The following ZNF385D variants were observed in gnomAD, a reference collection of about 807,000 sequenced individuals.
ZNF385D encodes the protein zinc finger protein 659.
In ZNF385D, 15 loss-of-function variants were observed where a neutral mutation model predicts 35.8. That is an observed-to-expected ratio of 0.42 (90% CI 0.28 to 0.64). ZNF385D has a LOEUF of 0.64. ZNF385D is among the 30% of genes least tolerant of loss of function. The probability of loss-of-function intolerance (pLI) is 0.23; values close to 1 mark genes in which losing one functional copy is unlikely to be tolerated. For synonymous variants in ZNF385D, 212 were observed against 186.8 expected (o/e 1.13, Z -1.10); for missense variants, 474 against 494.6 (o/e 0.96, Z 0.39).
chr3:22,248,717 A>AT (rs146082519), intron 2 of ZNF385D, among the ~76,000 whole-genome samples: 24 of 152,042 alleles, frequency 1.6e-4, no homozygotes, highest in Admixed American at 3.9e-4. Context: ...AGGGCTGCAA[A>AT]TTTTTTTACC....
chr3:21,535,196 A>G, intron 3 of ZNF385D, among the ~76,000 whole-genome samples: 1 of 152,150 alleles, frequency 6.6e-6, no homozygotes, highest in East Asian at 1.9e-4. Flanking sequence ...TCCTGCTTCT[A>G]AAGAATCATG....
At chr3:21,506,601 CATTA>C (rs1468095293) in intron 4 of ZNF385D, among the ~76,000 whole-genome samples, 5 of 152,044 alleles carry the variant, frequency 3.3e-5, no homozygotes, top group Non-Finnish European at 7.4e-5. Context: ...AAAATTTTGC[CATTA>C]ATTTTTCTAA....
rs549402153 is a variant in ZNF385D, at chr3:21,927,800, T to A, written c.325+241017A>T. Among the ~76,000 whole-genome samples, 5 of 152,266 alleles carry A rather than the reference T, an allele frequency of 3.3e-5. No homozygotes were observed. In the East Asian group the frequency reaches 9.7e-4, roughly 29 times the overall value. On this transcript the variant is annotated intron_variant, in intron 3 of 5. Coordinates refer to the ZNF385D transcript ENST00000494108. ...GAGCTACACATTTACAAACACATAT[T>A]CATCTAACAATAGAGCTCCAAAGAA...
intron 3 of ZNF385D, among the ~76,000 whole-genome samples, chr3:22,025,088 G>A (rs756469002): frequency 6.6e-5 from 10 of 152,138 alleles, no homozygotes; most frequent in Non-Finnish European, 1.5e-4. Flanking sequence ...GGACATGTGG[G>A]AGGACCCTGA....
intron 4 of ZNF385D, among the ~76,000 whole-genome samples, chr3:21,471,254 TTCTCTCTCTCTCTCTCTCTTTCTCTC>T (rs1196858207): frequency 9.5e-6 from 1 of 105,238 alleles, no homozygotes; most frequent in South Asian, 3.7e-4. Flanking sequence ...CTCCCTCCCT[TTCTCTCTCTCTCTCTCTCTTTCTCTC>T]TCTCTCTCTC....
At chr3:21,470,127 A>T (rs548743342) in intron 4 of ZNF385D, among the ~76,000 whole-genome samples, 2 of 152,350 alleles carry the variant, frequency 1.3e-5, no homozygotes, top group African/African-American at 4.8e-5. Flanking sequence ...TTGAATAATT[A>T]TGGTAAGAGA....
Position 21,458,197 on chromosome 3 carries a change from G to T in ZNF385D, c.440-20994C>A, listed in dbSNP as rs527478490. Among the ~76,000 whole-genome samples the T allele has an allele frequency of 4.1e-4, 63 of 152,056 alleles. 1 individual carries two copies. The South Asian group carries it at 0.013, about 31-fold the overall frequency. ...TAAGAAACAGATGAAGAGGGGCTGGGCTCGGTTGCTCATACCTGTAATCCT... is the reference window on the plus strand; with the variant it reads ...TAAGAAACAGATGAAGAGGGGCTGGTCTCGGTTGCTCATACCTGTAATCCT... On this transcript the variant is annotated intron_variant, in intron 4 of 7. Transcript: ENST00000281523.
At chr3:22,221,985 AT>A (rs569465454) in intron 2 of ZNF385D, among the ~76,000 whole-genome samples, 191 of 148,304 alleles carry the variant, frequency 1.3e-3, no homozygotes, top group Middle Eastern at 7.0e-3. Flanking sequence ...AACCATTCCG[AT>A]TTTTTTTTTT....
intron 1 of ZNF385D, 134 bp from the exon 2 acceptor site, chr3:21,665,162 A>G: frequency 8.4e-7 from 1 of 1,191,584 alleles, no homozygotes; most frequent in Non-Finnish European, 1.1e-6. Flanking sequence ...ATTGACCTCA[A>G]CTGGGAACCG....
intron 5 of ZNF385D, among the ~76,000 whole-genome samples, chr3:21,429,918 A>C (rs1480855358): frequency 6.6e-6 from 1 of 152,112 alleles, no homozygotes; most frequent in African/African-American, 2.4e-5. Context: ...AGCAAAATGC[A>C]AAGCTGTTTT....
intron 6 of ZNF385D, among the ~76,000 whole-genome samples, chr3:21,424,564 C>T (rs945811751): frequency 2.4e-4 from 36 of 151,036 alleles, no homozygotes; most frequent in African/African-American, 7.8e-4. Context: ...ACACCTGCCT[C>T]AGCCTCCCAA....
intron 5 of ZNF385D, 52 bp from the exon 6 acceptor site, chr3:21,425,722 G>C (rs1331133940): frequency 6.8e-7 from 1 of 1,469,170 alleles, no homozygotes; most frequent in Admixed American, 2.4e-5. Context: ...AAGAAGGGAG[G>C]GAGAGAAGGA....
In ZNF385D at chr3:21,862,084, T is replaced by C. The variant is rs577804013; in HGVS notation, c.326-197056A>G. On this transcript the variant is annotated intron_variant, in intron 3 of 5. Coordinates refer to the ZNF385D transcript ENST00000494108. ...TTTTAAAATTATGGAATATTTCAAA[T>C]GTACAAAAAAAGTAGAGTAGGTAGT... 2.0e-3 allele frequency among the ~76,000 whole-genome samples: 305 copies of C among 152,208 alleles called. 4 individuals are homozygous for C. The highest frequency in any genetic ancestry group is 7.1e-3 in the African/African-American group (293 of 41,558).
At chr3:21,501,085 A>G (rs905504422) in intron 4 of ZNF385D, among the ~76,000 whole-genome samples, 1 of 152,080 alleles carries the variant, frequency 6.6e-6, no homozygotes, top group Non-Finnish European at 1.5e-5. Context: ...CATGAATAAC[A>G]TGCCTGGTTA....
rs1277308795 is a variant in ZNF385D, at chr3:22,079,364, TACA to T, written c.325+89450_325+89452del. ...GAATCCAATAAATAAATTACATGAT[TACA>T]ACATTAATTATATAATTAATATAAA... is the stretch of plus-strand genomic sequence containing the variant. On this transcript the variant is annotated intron_variant, in intron 3 of 5. Transcript: ENST00000494108. 1.1e-4 allele frequency among the ~76,000 whole-genome samples: 17 copies of T among 152,106 alleles called. No individual in the cohort carries two copies. The South Asian group carries it at 2.5e-3, about 22-fold the overall frequency.
At chr3:21,605,350 G>A (rs1387570537) in intron 2 of ZNF385D, among the ~76,000 whole-genome samples, 1 of 152,162 alleles carries the variant, frequency 6.6e-6, no homozygotes, top group Admixed American at 6.5e-5. Flanking sequence ...GCAGCAGCTT[G>A]GGGACAGAGT....
intron 3 of ZNF385D, among the ~76,000 whole-genome samples, chr3:21,927,287 T>A (rs1700779299): frequency 6.6e-6 from 1 of 152,044 alleles, no homozygotes; most frequent in Non-Finnish European, 1.5e-5. Flanking sequence ...TTTTTTAATA[T>A]ATAAATTACC....
rs143805730 is a variant in ZNF385D, at chr3:22,243,577, G to T, written c.107-74542C>A. ...ATTTAGAAAACAGGGAGAGAAATTA[G>T]CCTGCTATTATGACAATGGAAATGC... On this transcript the variant is annotated intron_variant, in intron 2 of 5. Transcript: ENST00000494108. Among the ~76,000 whole-genome samples the T allele has an allele frequency of 4.2e-3, 634 of 151,118 alleles. 39 individuals are homozygous for T. Among genetic ancestry groups the T allele is most frequent in the African/African-American group, 0.015 (595 of 40,952 alleles).
chr3:22,098,617 C>T (rs1028814203), intron 3 of ZNF385D, among the ~76,000 whole-genome samples: 3 of 151,928 alleles, frequency 2.0e-5, no homozygotes, highest in African/African-American at 7.2e-5. Context: ...TTGAAGTTCC[C>T]ATCTGGGAAG....
Sources: gnomAD v4.1 joint callset for allele counts (sites outside exome capture counted in the v4.1 genomes callset) on GRCh38, gnomAD v4.1.1 for gene constraint, MANE v1.5 for transcripts, NCBI Gene and HGNC (gene_info 2026-07-23, HGNC 2026-07-21) for gene names.